The following PPP3CC variants were observed in gnomAD, a reference collection of about 807,000 sequenced individuals.
PPP3CC encodes protein phosphatase 3 catalytic subunit gamma, also known as serine/threonine-protein phosphatase 2B catalytic subunit gamma isoform.
A neutral mutation model predicts 60.3 loss-of-function variants in PPP3CC; 35 were observed. The observed-to-expected ratio is 0.58, with a 90% CI of 0.44 to 0.77. The LOEUF (loss-of-function observed/expected upper bound fraction) is 0.77. Among genes scored for constraint, PPP3CC ranks in the 30% least tolerant of loss-of-function variants. The probability of loss-of-function intolerance (pLI) is 0.00; values close to 1 mark genes in which losing one functional copy is unlikely to be tolerated. For synonymous variants in PPP3CC, 206 were observed against 224.3 expected (o/e 0.92, Z 0.73); for missense variants, 570 against 628.9 (o/e 0.91, Z 1.00).
chr8:22,488,456 A>G (rs999920797), intron 3 of PPP3CC, among the ~76,000 whole-genome samples: 4 of 152,218 alleles, frequency 2.6e-5, no homozygotes, highest in East Asian at 1.9e-4. Flanking sequence ...GTTTGTCACA[A>G]TGATTGAAAG....
chr8:22,500,400 A>C (rs1838727859), intron 4 of PPP3CC, among the ~76,000 whole-genome samples: 1 of 152,064 alleles, frequency 6.6e-6, no homozygotes, highest in African/African-American at 2.4e-5. Context: ...CATGGATTTC[A>C]TTTTGTATCC....
At chr8:22,531,568 A>G (rs1839717863) in intron 10 of PPP3CC, among the ~76,000 whole-genome samples, 1 of 152,220 alleles carries the variant, frequency 6.6e-6, no homozygotes, top group Admixed American at 6.5e-5. Context: ...CACCTGGTGC[A>G]TGCTGGACCT....
intron 6 of PPP3CC, among the ~76,000 whole-genome samples, chr8:22,522,084 T>G (rs1839421040): frequency 6.6e-6 from 1 of 151,974 alleles, no homozygotes; most frequent in African/African-American, 2.4e-5. Context: ...TCTGTAACAA[T>G]TTGACAATTG....
At chr8:22,538,499 C>T (rs979117389) in intron 12 of PPP3CC, among the ~76,000 whole-genome samples, 5 of 152,184 alleles carry the variant, frequency 3.3e-5, no homozygotes, top group African/African-American at 1.2e-4. Context: ...TTCAGTTTCT[C>T]TTCTCATATT....
At chr8:22,481,667 A>G (rs1220893443) in intron 3 of PPP3CC, among the ~76,000 whole-genome samples, 1 of 151,894 alleles carries the variant, frequency 6.6e-6, no homozygotes, top group African/African-American at 2.4e-5. Flanking sequence ...TACATTAGGT[A>G]CTTCTCCTAA....
chr8:22,491,818 C>A (rs1183457988), intron 3 of PPP3CC, among the ~76,000 whole-genome samples: 1 of 152,088 alleles, frequency 6.6e-6, no homozygotes, highest in Non-Finnish European at 1.5e-5. Flanking sequence ...TTTATTGAGA[C>A]TCCTTGTGGT....
At chr8:22,492,777 A>T in intron 3 of PPP3CC, 1 of 1,009,594 alleles carries the variant, frequency 9.9e-7, no homozygotes, top group Admixed American at 1.7e-5. Flanking sequence ...TTAGAGGTAA[A>T]CAATGTCTCT....
chr8:22,523,543 C>A, intron 8 of PPP3CC: 1 of 323,110 alleles, frequency 3.1e-6, no homozygotes, highest in East Asian at 1.0e-4. Flanking sequence ...TGAGTATTGT[C>A]CCTTCAAAGT....
intron 1 of PPP3CC, among the ~76,000 whole-genome samples, chr8:22,451,708 G>A (rs1187062252): frequency 1.3e-5 from 2 of 152,098 alleles, no homozygotes; most frequent in Non-Finnish European, 2.9e-5. Context: ...GATTGACCAC[G>A]TAGGTGGCTA....
intron 8 of PPP3CC, chr8:22,523,559 C>A: frequency 2.7e-6 from 1 of 377,136 alleles, no homozygotes; most frequent in South Asian, 2.0e-5. Context: ...AAAGTAGTTA[C>A]CTTGGGAGGC....
At chr8:22,467,320 A>G (rs1837571120) in intron 1 of PPP3CC, among the ~76,000 whole-genome samples, 1 of 152,122 alleles carries the variant, frequency 6.6e-6, no homozygotes, top group African/African-American at 2.4e-5. Context: ...AATTATTTGA[A>G]TGAATTAATT....
chr8:22,469,971 TA>T (rs1837666801), intron 1 of PPP3CC, among the ~76,000 whole-genome samples: 1 of 151,432 alleles, frequency 6.6e-6, no homozygotes, highest in African/African-American at 2.4e-5. Context: ...GACATATATA[TA>T]TATATATATG....
intron 8 of PPP3CC, among the ~76,000 whole-genome samples, chr8:22,523,096 C>G (rs866915258): frequency 1.3e-4 from 20 of 152,216 alleles, no homozygotes; most frequent in Non-Finnish European, 1.9e-4. Context: ...ATAACAGTAT[C>G]TCAAAGTCAC....
At chr8:22,457,225 A>G (rs1837230318) in intron 1 of PPP3CC, among the ~76,000 whole-genome samples, 1 of 151,062 alleles carries the variant, frequency 6.6e-6, no homozygotes, top group Admixed American at 6.6e-5. Context: ...CCTTCTATTT[A>G]TTTTGGTACC....
chr8:22,463,808 C>T (rs112601491), intron 1 of PPP3CC, among the ~76,000 whole-genome samples: 4 of 146,646 alleles, frequency 2.7e-5, no homozygotes, highest in African/African-American at 7.5e-5. Context: ...TTTTTTGAGA[C>T]GAAGTTTCTC....
At position 22,513,430 on chromosome 8, in the gene PPP3CC, C is replaced by T. The variant is rs1351129306; in HGVS notation, c.768C>T (p.Tyr256=). The T allele has an allele frequency of 5.0e-6, 8 of 1,587,860 alleles. No individual in the cohort carries two copies. In the South Asian group the frequency reaches 8.2e-5, roughly 16 times the overall value. The change falls in exon 6 of 14, where the codon TAC becomes TAT. Residue 256 remains tyrosine (Y), a splice_region_variant and synonymous_variant. Coordinates refer to ENST00000240139, the MANE Select transcript of PPP3CC (RefSeq NM_005605.5). ...HNTVRGCSYF[Y]SYPAVCEFLQ... Reference sequence around the variant, plus strand: ...CTGTCCGAGGGTGCTCTTATTTCTACAGGTAAGCTAGTCCTTGAGGTCGAA... The same window carrying T: ...CTGTCCGAGGGTGCTCTTATTTCTATAGGTAAGCTAGTCCTTGAGGTCGAA...
chr8:22,470,583 T>C (rs1837692357), intron 1 of PPP3CC, among the ~76,000 whole-genome samples: 1 of 152,158 alleles, frequency 6.6e-6, no homozygotes, highest in South Asian at 2.1e-4. Flanking sequence ...AGATACTAAA[T>C]GTTTTAAATG....
At chr8:22,538,982 CTTT>C (rs908372224) in intron 12 of PPP3CC, among the ~76,000 whole-genome samples, 2 of 149,040 alleles carry the variant, frequency 1.3e-5, no homozygotes, top group African/African-American at 2.5e-5. Flanking sequence ...AAAGGCCACT[CTTT>C]TTTTTTTAAA....
intron 3 of PPP3CC, chr8:22,492,644 A>G (rs1452659643): frequency 1.1e-5 from 7 of 659,458 alleles, no homozygotes; most frequent in Non-Finnish European, 1.9e-5. Context: ...GAGCCAGGAA[A>G]GACTTGCCAA....
Sources: allele counts gnomAD v4.1 joint callset (sites outside exome capture counted in the v4.1 genomes callset), GRCh38; gene constraint gnomAD v4.1.1; transcripts MANE v1.5; gene names NCBI Gene and HGNC (gene_info 2026-07-23, HGNC 2026-07-21).